Variants in SPATA6 observed in about 807,000 individuals in gnomAD.
SPATA6 encodes the protein spermatogenesis associated 6.
SPATA6 carries 56 observed loss-of-function variants against 65.3 expected under a neutral mutation model. The ratio of observed to expected loss-of-function variants is 0.86; its 90% confidence interval spans 0.69 to 1.07. SPATA6 has a LOEUF of 1.07. Ranked by LOEUF, SPATA6 falls within the 50% of genes least tolerant of loss-of-function variation. The pLI is 0.00. For missense variants in SPATA6, 590 were observed against 594.8 expected (o/e 0.99, Z 0.08); for synonymous variants, 199 against 213.2 (o/e 0.93, Z 0.58).
At chr1:48,303,370 C>G (rs1569993244) in intron 12 of SPATA6, among the ~76,000 whole-genome samples, 1 of 151,904 alleles carries the variant, frequency 6.6e-6, no homozygotes, top group East Asian at 1.9e-4. Flanking sequence ...TAGAACTTAA[C>G]CCTTCTTCAT....
chr1:48,460,960 C>T (rs567383637), intron 1 of SPATA6, among the ~76,000 whole-genome samples: 1 of 150,102 alleles, frequency 6.7e-6, no homozygotes, highest in Admixed American at 6.6e-5. Flanking sequence ...TCAAGGGCTG[C>T]CTGATAAATT....
intron 9 of SPATA6, among the ~76,000 whole-genome samples, chr1:48,362,226 C>G (rs957765090): frequency 1.3e-5 from 2 of 151,622 alleles, no homozygotes; most frequent in African/African-American, 4.8e-5. Context: ...TGCACTCCAG[C>G]CTGGGTGACA....
intron 11 of SPATA6, among the ~76,000 whole-genome samples, chr1:48,345,132 C>T (rs1348394114): frequency 6.6e-6 from 1 of 152,080 alleles, no homozygotes; most frequent in Admixed American, 6.6e-5. Flanking sequence ...GTAAAACACT[C>T]ATCAGGAAAT....
At chr1:48,381,687 C>CTTTTTCT (rs1553160421) in intron 9 of SPATA6, among the ~76,000 whole-genome samples, 1 of 121,712 alleles carries the variant, frequency 8.2e-6, no homozygotes, top group African/African-American at 3.3e-5. Flanking sequence ...AATTTTTTTT[C>CTTTTTCT]TTTTTTTTTT....
chr1:48,367,046 A>G (rs1001525517), intron 9 of SPATA6, among the ~76,000 whole-genome samples: 12 of 151,996 alleles, frequency 7.9e-5, no homozygotes, highest in East Asian at 3.9e-4. Flanking sequence ...CCTTCATTTC[A>G]TTATGTACTC....
chr1:48,312,172 C>T (rs990454257), intron 11 of SPATA6, among the ~76,000 whole-genome samples: 14 of 152,180 alleles, frequency 9.2e-5, no homozygotes, highest in Admixed American at 3.3e-4. Flanking sequence ...CAGCAGAAAC[C>T]TCTGCAGACT....
intron 2 of SPATA6, 37 bp from the exon 3 acceptor site, chr1:48,451,637 G>A: frequency 6.3e-6 from 10 of 1,577,836 alleles, no homozygotes; most frequent in Non-Finnish European, 8.6e-6. Context: ...CAGGAAGGAA[G>A]ATATATATTT....
At chr1:48,434,833 G>A (rs1034419319) in intron 3 of SPATA6, among the ~76,000 whole-genome samples, 2 of 152,078 alleles carry the variant, frequency 1.3e-5, no homozygotes, top group Admixed American at 6.6e-5. Context: ...GGTTCCCAGG[G>A]TATACATTAG....
At chr1:48,267,133 C>A in the SPATA6 span, among the ~76,000 whole-genome samples, 24 of 151,978 alleles carry the variant, frequency 1.6e-4, no homozygotes, top group African/African-American at 5.3e-4. Flanking sequence ...TCCCTTATCC[C>A]CATCTCAGGG....
intron 11 of SPATA6, among the ~76,000 whole-genome samples, chr1:48,308,089 A>G (rs555575907): frequency 1.1e-4 from 17 of 151,792 alleles, no homozygotes; most frequent in Non-Finnish European, 2.2e-4. Context: ...ATCATGAACC[A>G]CCTATAGGTA....
chr1:48,266,858 T>A, the SPATA6 span, among the ~76,000 whole-genome samples: 4 of 152,176 alleles, frequency 2.6e-5, no homozygotes. Context: ...GAATGTATTA[T>A]ATGTGAGCCA....
At chr1:48,377,469 C>T (rs960592826) in intron 9 of SPATA6, among the ~76,000 whole-genome samples, 6 of 152,108 alleles carry the variant, frequency 3.9e-5, no homozygotes, top group African/African-American at 1.4e-4. Context: ...ATAGCGTAAA[C>T]TCCTATTCAT....
intron 9 of SPATA6, among the ~76,000 whole-genome samples, chr1:48,379,802 A>C (rs561768473): frequency 1.3e-5 from 2 of 152,328 alleles, no homozygotes; most frequent in African/African-American, 4.8e-5. Flanking sequence ...ATGAAAATCC[A>C]GTATCATACG....
At position 48,296,054 on chromosome 1, in the gene SPATA6, AG is replaced by A. The variant is rs978179569; in HGVS notation, c.*2658del. 8 of 152,212 alleles carry A rather than the reference AG, an allele frequency of 5.3e-5. No individual in the cohort carries two copies. The highest frequency in any genetic ancestry group is 1.9e-4 in the African/African-American group (8 of 41,546). The allele number at this position is 152,212 out of a possible 1,614,324, so 9.4% of individuals were successfully genotyped here. On this transcript the variant is annotated 3_prime_UTR_variant, in exon 13 of 13. Transcript: ENST00000371847. The stretch of plus-strand genomic sequence containing the variant: ...GATTTTGACATTTTTCTAAATCCCA[AG>A]GTTTTTTATGATTTAAAGAAAAAAA...
At chr1:48,343,614 A>G (rs1403434281) in intron 11 of SPATA6, among the ~76,000 whole-genome samples, 1 of 152,172 alleles carries the variant, frequency 6.6e-6, no homozygotes, top group African/African-American at 2.4e-5. Context: ...ACACAATATG[A>G]CTTCTGAAAT....
chr1:48,448,122 A>C (rs1042556422), intron 3 of SPATA6: 2 of 152,070 alleles, frequency 1.3e-5, no homozygotes, highest in African/African-American at 4.8e-5. Context: ...ATTAGCTGGC[A>C]TGGTGGCACA....
Position 48,359,777 on chromosome 1 carries a change from T to C in SPATA6, c.910-7A>G, listed in dbSNP as rs773947318. ...CATGGGGTGTCCTGATAACCTGTTT[T>C]AAAAATTATATACATATAGATATAC... On this transcript the variant is annotated splice_polypyrimidine_tract_variant and splice_region_variant and intron_variant, in intron 9 of 12. Coordinates refer to ENST00000371847, the MANE Select transcript of SPATA6 (RefSeq NM_019073.4). 6.3e-7 allele frequency: 1 copy of C among 1,590,000 alleles called. No homozygotes were observed. The highest frequency in any genetic ancestry group is 8.6e-7 in the Non-Finnish European group (1 of 1,167,492).
the SPATA6 span, among the ~76,000 whole-genome samples, chr1:48,275,718 AT>A: frequency 6.6e-6 from 1 of 152,200 alleles, no homozygotes; most frequent in Non-Finnish European, 1.5e-5. Flanking sequence ...AGGCAACTTG[AT>A]CATGGCAGAT....
chr1:48,283,697 A>AAAAAAAGAAAGAAAGAAAGAAAG, the SPATA6 span, among the ~76,000 whole-genome samples: 2 of 12,000 alleles, frequency 1.7e-4, no homozygotes, highest in Non-Finnish European at 4.7e-4. Context: ...AAAAAAAAAA[A>AAAAAAAGAAAGAAAGAAAGAAAG]AAAGAAAGAA....
Sources: allele counts gnomAD v4.1 joint callset (sites outside exome capture counted in the v4.1 genomes callset), GRCh38; gene constraint gnomAD v4.1.1; transcripts MANE v1.5; gene names NCBI Gene and HGNC (gene_info 2026-07-23, HGNC 2026-07-21).